The following TGFBR2 variants were observed in gnomAD, a reference collection of about 807,000 sequenced individuals.
TGFBR2 encodes the protein transforming growth factor beta receptor 2, also known as TGF-beta receptor type-2.
TGFBR2 carries 18 observed loss-of-function variants against 49.0 expected under a neutral mutation model. The ratio of observed to expected loss-of-function variants is 0.37; its 90% CI spans 0.25 to 0.54. TGFBR2 has a LOEUF of 0.54. Ranked by LOEUF, TGFBR2 falls within the 20% of genes least tolerant of loss-of-function variation. The probability of loss-of-function intolerance (pLI) is 0.85; values close to 1 mark genes in which losing one functional copy is unlikely to be tolerated. For missense variants in TGFBR2, 525 were observed against 722.6 expected (o/e 0.73, Z 3.13); for synonymous variants, 282 against 275.9 (o/e 1.02, Z -0.22).
chr3:30,612,966 G>T (rs1698057098), intron 1 of TGFBR2, among the ~76,000 whole-genome samples: 1 of 152,074 alleles, frequency 6.6e-6, no homozygotes, highest in Admixed American at 6.6e-5. Context: ...CTTGGGTGTA[G>T]TCAGTTTAGT....
intron 3 of TGFBR2, among the ~76,000 whole-genome samples, chr3:30,669,605 CTTA>C (rs1481807291): frequency 6.6e-6 from 1 of 152,148 alleles, no homozygotes; most frequent in African/African-American, 2.4e-5. Context: ...CCACCCTAAT[CTTA>C]TTATGCAAAT....
intron 4 of TGFBR2, among the ~76,000 whole-genome samples, chr3:30,673,859 G>T (rs1003067281): frequency 6.6e-6 from 1 of 152,150 alleles, no homozygotes; most frequent in South Asian, 2.1e-4. Flanking sequence ...CAGCTCTGGG[G>T]TTTGGCACTT....
chr3:30,668,987 C>T (rs1699290496), intron 3 of TGFBR2, among the ~76,000 whole-genome samples: 1 of 151,914 alleles, frequency 6.6e-6, no homozygotes. Flanking sequence ...ATGAAAGTTT[C>T]AGATGCTGGG....
At chr3:30,619,624 C>T (rs1020337867) in intron 1 of TGFBR2, among the ~76,000 whole-genome samples, 1 of 152,172 alleles carries the variant, frequency 6.6e-6, no homozygotes, top group African/African-American at 2.4e-5. Context: ...ACCCAGCTGC[C>T]TCACACATCC....
intron 6 of TGFBR2, 63 bp downstream of exon 6, chr3:30,688,574 G>A: frequency 6.2e-7 from 1 of 1,602,522 alleles, no homozygotes. Flanking sequence ...AGGTGGCAGA[G>A]AATTCTGGAA....
chr3:30,630,635 T>C (rs1314035722), intron 1 of TGFBR2, among the ~76,000 whole-genome samples: 2 of 152,226 alleles, frequency 1.3e-5, no homozygotes, highest in Admixed American at 1.3e-4. Context: ...GTGGCTGATG[T>C]CTCCCCTCCA....
intron 2 of TGFBR2, among the ~76,000 whole-genome samples, chr3:30,648,342 G>A (rs892867396): frequency 6.6e-6 from 1 of 151,378 alleles, no homozygotes; most frequent in African/African-American, 2.4e-5. Flanking sequence ...GCCTCTATAA[G>A]CGTCACAAGG....
rs1388179399 is a variant in TGFBR2, at chr3:30,645,306, A to G, written c.263+391A>G. Among the ~76,000 whole-genome samples, 5 of 152,112 alleles carry G rather than the reference A, an allele frequency of 3.3e-5. No individual in the cohort carries two copies. In the East Asian group the frequency reaches 9.7e-4, roughly 29 times the overall value. ...AGCTTTGTTCTCTTGAGGCAATCTC[A>G]GGTCTGGAAGAAGAGGTGATGAAAG... On this transcript the variant is annotated intron_variant, in intron 2 of 6. Coordinates refer to ENST00000295754, the MANE Select transcript of TGFBR2 (RefSeq NM_003242.6).
chr3:30,614,115 C>CTTTTTTTTTTTT (rs5847643), intron 1 of TGFBR2, among the ~76,000 whole-genome samples: 1 of 120,632 alleles, frequency 8.3e-6, no homozygotes, highest in Non-Finnish European at 1.7e-5. Context: ...TTTTTCTTTC[C>CTTTTTTTTTTTT]TTTTTTTTTT....
chr3:30,647,552 T>C (rs1037782498), intron 2 of TGFBR2, among the ~76,000 whole-genome samples: 2 of 140,396 alleles, frequency 1.4e-5, no homozygotes, highest in Non-Finnish European at 3.1e-5. Flanking sequence ...TAATCAGTTT[T>C]AGTGTTTTTT....
rs2125433612 is a variant in TGFBR2 at position 30,671,764 on chromosome 3, A to T, written c.581A>T (p.Gln194Leu). ...TTCTACTGCTACCGCGTTAACCGGCAGCAGAAGCTGAGTTCAACCTGGGAA... is the reference window on the plus strand; with the variant it reads ...TTCTACTGCTACCGCGTTAACCGGCTGCAGAAGCTGAGTTCAACCTGGGAA... ...IIFYCYRVNRQQKLSSTWETG... is the reference protein window; with the variant it reads ...IIFYCYRVNRLQKLSSTWETG... The change falls in exon 4 of 7, where the codon CAG becomes CTG. Residue 194 changes from glutamine (Q) to leucine (L), a missense_variant. Physicochemically the swap from Gln to Leu is moderately radical, Grantham distance 113 (BLOSUM62 -2). This residue lies in a region of TGFBR2 where 376 missense variants were observed against 478.2 expected (regional missense o/e 0.79). Transcript: ENST00000295754. 2 of 1,614,212 alleles carry T rather than the reference A, an allele frequency of 1.2e-6. No individual in the cohort carries two copies.
rs1047009928 is a variant in TGFBR2 at position 30,650,199 on chromosome 3, G to C, written c.264-71G>C. 3 of 1,467,362 alleles carry C rather than the reference G, an allele frequency of 2.0e-6. No individual in the cohort carries two copies. The African/African-American group carries it at 4.2e-5, about 20-fold the overall frequency. The allele number at this position is 1,467,362 out of a possible 1,614,324, so 90.9% of individuals were successfully genotyped here. Reference sequence around the variant, plus strand: ...TTCCAGATTGCCTTTCTGTCTGGAGGCCATATTATTCATTTATTCTCTTTC... The same window carrying C: ...TTCCAGATTGCCTTTCTGTCTGGAGCCCATATTATTCATTTATTCTCTTTC... On this transcript the variant is annotated intron_variant, in intron 2 of 6. Coordinates refer to ENST00000295754, the MANE Select transcript of TGFBR2 (RefSeq NM_003242.6).
intron 1 of TGFBR2, among the ~76,000 whole-genome samples, chr3:30,632,508 A>C (rs1307790919): frequency 6.6e-6 from 1 of 152,222 alleles, no homozygotes; most frequent in African/African-American, 2.4e-5. Flanking sequence ...CAGTGGTAAC[A>C]AAAAATTATT....
At chr3:30,669,378 G>A (rs1699300616) in intron 3 of TGFBR2, among the ~76,000 whole-genome samples, 1 of 152,108 alleles carries the variant, frequency 6.6e-6, no homozygotes, top group Non-Finnish European at 1.5e-5. Context: ...CACACATGAG[G>A]AGTTTAGGAG....
Position 30,672,210 on chromosome 3 carries a change from A to G in TGFBR2, c.1027A>G (p.Ser343Gly), listed in dbSNP as rs758614833. The change falls in exon 4 of 7, where the codon AGC becomes GGC. Residue 343 changes from serine to glycine, a missense_variant. By Grantham distance (56) the Ser-to-Gly change is moderately conservative. This residue lies in a region of TGFBR2 where 376 missense variants were observed against 478.2 expected (regional missense o/e 0.79). Coordinates refer to ENST00000295754, the MANE Select transcript of TGFBR2 (RefSeq NM_003242.6). The surrounding 1 kb of genome is among the most constrained non-coding windows in gnomAD (Gnocchi z 4.5). ...GGAGTACCTGACGCGGCATGTCATC[A>G]GCTGGGAGGACCTGCGCAAGCTGGG... ...LQEYLTRHVI[S>G]WEDLRKLGSS... The G allele has an allele frequency of 6.2e-6, 10 of 1,611,182 alleles. No individual in the cohort carries two copies. The Admixed American group carries it at 1.5e-4, about 24-fold the overall frequency.
chr3:30,609,832 T>C (rs909628413), intron 1 of TGFBR2, among the ~76,000 whole-genome samples: 1 of 152,214 alleles, frequency 6.6e-6, no homozygotes, highest in Non-Finnish European at 1.5e-5. Context: ...TTCCGCCTCA[T>C]AAAAACACAT....
intron 1 of TGFBR2, among the ~76,000 whole-genome samples, chr3:30,629,784 C>A (rs1419935910): frequency 1.3e-5 from 2 of 152,146 alleles, no homozygotes; most frequent in Non-Finnish European, 2.9e-5. Context: ...AACATGTCAG[C>A]AGATAAGTAC....
chr3:30,620,788 A>G (rs908949374), intron 1 of TGFBR2, among the ~76,000 whole-genome samples: 5 of 151,964 alleles, frequency 3.3e-5, no homozygotes, highest in African/African-American at 1.2e-4. Context: ...AGTCATTGGG[A>G]TTGCTGGAAT....
intron 3 of TGFBR2, among the ~76,000 whole-genome samples, chr3:30,669,964 C>T (rs1387913451): frequency 6.6e-6 from 1 of 152,102 alleles, no homozygotes; most frequent in Non-Finnish European, 1.5e-5. Flanking sequence ...TCTACCTGGA[C>T]TATATTCTCA....
Sources: allele counts gnomAD v4.1 joint callset (sites outside exome capture counted in the v4.1 genomes callset), GRCh38; gene constraint gnomAD v4.1.1; regional missense constraint gnomAD v4.1.1; non-coding constraint Gnocchi (gnomAD v3.1); transcripts MANE v1.5; gene names NCBI Gene and HGNC (gene_info 2026-07-23, HGNC 2026-07-21).